The following PTPRG variants were observed in gnomAD, a reference collection of about 807,000 sequenced individuals.
The protein encoded by PTPRG is receptor-type tyrosine-protein phosphatase gamma.
Under a neutral mutation model 165.3 loss-of-function variants are expected in PTPRG, and 102 were observed. The observed-to-expected ratio is 0.62, with a 90% confidence interval of 0.53 to 0.73. The LOEUF (loss-of-function observed/expected upper bound fraction) is 0.73. Ranked by LOEUF, PTPRG falls within the 30% of genes least tolerant of loss-of-function variation. PTPRG has a pLI of 0.00. For synonymous variants in PTPRG, 675 were observed against 669.5 expected (o/e 1.01, Z -0.13); for missense variants, 1,866 against 1,861.4 (o/e 1.00, Z -0.05).
intron 2 of PTPRG, among the ~76,000 whole-genome samples, chr3:61,764,253 T>C (rs772227749): frequency 2.3e-4 from 35 of 152,190 alleles, no homozygotes; most frequent in Non-Finnish European, 4.6e-4. Context: ...TTACCAAGGT[T>C]CTGAATCTTT....
intron 2 of PTPRG, among the ~76,000 whole-genome samples, chr3:61,941,236 G>T (rs954962289): frequency 2.6e-5 from 4 of 152,256 alleles, no homozygotes; most frequent in Non-Finnish European, 5.9e-5. Flanking sequence ...CTTCATCCAT[G>T]TAAAGGGCTT....
intron 3 of PTPRG, among the ~76,000 whole-genome samples, chr3:62,003,107 A>G (rs1346894586): frequency 6.6e-6 from 1 of 152,058 alleles, no homozygotes; most frequent in Non-Finnish European, 1.5e-5. Context: ...TAAATGGATA[A>G]GTAATTCTGA....
chr3:61,683,648 T>C lies in PTPRG; in HGVS notation c.86-65230T>C, dbSNP rs75224842. ...TTGTTTTCCTTTTCATGGGACATAG[T>C]GTTCCTTTCTTCCGTTTGATATATT... is the stretch of plus-strand genomic sequence containing the variant. On this transcript the variant is annotated intron_variant, in intron 1 of 29. Transcript: ENST00000474889. Among the ~76,000 whole-genome samples the C allele has an allele frequency of 3.9e-3, 589 of 152,346 alleles. 6 individuals carry two copies. The highest frequency in any genetic ancestry group is 0.014 in the African/African-American group (564 of 41,580).
At chr3:61,776,039 G>T (rs2034371842) in intron 2 of PTPRG, among the ~76,000 whole-genome samples, 1 of 151,270 alleles carries the variant, frequency 6.6e-6, no homozygotes, top group Non-Finnish European at 1.5e-5. Context: ...TAACAAACCT[G>T]CTCGTTGTGC....
At chr3:61,896,568 C>A (rs1468498756) in intron 2 of PTPRG, among the ~76,000 whole-genome samples, 1 of 152,128 alleles carries the variant, frequency 6.6e-6, no homozygotes, top group African/African-American at 2.4e-5. Flanking sequence ...GAATTAATAA[C>A]CAAGAGTCCA....
At chr3:61,895,083 C>T (rs914114457) in intron 2 of PTPRG, among the ~76,000 whole-genome samples, 2 of 152,162 alleles carry the variant, frequency 1.3e-5, no homozygotes, top group Non-Finnish European at 2.9e-5. Context: ...CAGAATGGAT[C>T]CCTGATGAGA....
chr3:61,831,691 A>G (rs554257553), intron 2 of PTPRG, among the ~76,000 whole-genome samples: 4 of 152,334 alleles, frequency 2.6e-5, no homozygotes, highest in East Asian at 3.9e-4. Flanking sequence ...GAAAATGCCA[A>G]TGACCATGGA....
intron 4 of PTPRG, among the ~76,000 whole-genome samples, chr3:62,007,443 G>A (rs953949597): frequency 3.3e-5 from 5 of 152,230 alleles, no homozygotes; most frequent in Non-Finnish European, 4.4e-5. Flanking sequence ...GTTAAAGTTA[G>A]AAAAGAAAGT....
At chr3:62,266,833 T>C (rs1576197735) in intron 17 of PTPRG, among the ~76,000 whole-genome samples, 1 of 146,742 alleles carries the variant, frequency 6.8e-6, no homozygotes, top group Non-Finnish European at 1.5e-5. Flanking sequence ...TAGATACACA[T>C]GTCATGCATC....
chr3:61,684,526 G>A (rs192942252), intron 1 of PTPRG, among the ~76,000 whole-genome samples: 6 of 152,334 alleles, frequency 3.9e-5, no homozygotes, highest in African/African-American at 1.4e-4. Flanking sequence ...TCCAAGCCCA[G>A]AGGGGCTCTG....
At chr3:62,293,015 TTTTTTTTAG>T in intron 29 of PTPRG, 137 bp from the exon 30 acceptor site, 2 of 649,702 alleles carry the variant, frequency 3.1e-6, no homozygotes, top group Non-Finnish European at 4.9e-6. Flanking sequence ...TCAAATGATT[TTTTTTTTAG>T]TTTTTTTAGA....
chr3:61,752,116 G>T (rs1287477698), intron 2 of PTPRG, among the ~76,000 whole-genome samples: 1 of 152,208 alleles, frequency 6.6e-6, no homozygotes, highest in Admixed American at 6.5e-5. Context: ...GTTTTGGAAT[G>T]CACAAGTGTC....
rs893185127 is a variant in PTPRG, at chr3:62,034,385, A to G, written c.519+30888A>G. On this transcript the variant is annotated intron_variant, in intron 4 of 29. Transcript: ENST00000474889. ...ACACATCATGTCAGGAAACTGAAGT[A>G]CAAAGAGGTGAGGCTACCAGCCTTG... is the stretch of plus-strand genomic sequence containing the variant. 9.9e-5 allele frequency among the ~76,000 whole-genome samples: 15 copies of G among 152,234 alleles called. 1 individual carries two copies. Among genetic ancestry groups the G allele is most frequent in the African/African-American group, 2.4e-5 (1 of 41,460 alleles).
At chr3:61,773,967 G>A (rs1020313994) in intron 2 of PTPRG, among the ~76,000 whole-genome samples, 1 of 151,940 alleles carries the variant, frequency 6.6e-6, no homozygotes, top group Non-Finnish European at 1.5e-5. Flanking sequence ...TAGAGATGGG[G>A]TTTCACCACA....
At chr3:62,118,944 T>C (rs1165334179) in intron 5 of PTPRG, among the ~76,000 whole-genome samples, 1 of 152,230 alleles carries the variant, frequency 6.6e-6, no homozygotes, top group East Asian at 1.9e-4. Flanking sequence ...TAACGTCTTT[T>C]CCCTGCTTCA....
At chr3:61,878,143 A>G (rs1296141050) in intron 2 of PTPRG, among the ~76,000 whole-genome samples, 2 of 152,092 alleles carry the variant, frequency 1.3e-5, no homozygotes, top group African/African-American at 2.4e-5. Context: ...AACACTTAAC[A>G]TTTTCTGTTT....
At chr3:62,070,807 C>T (rs1280358097) in intron 4 of PTPRG, among the ~76,000 whole-genome samples, 2 of 152,074 alleles carry the variant, frequency 1.3e-5, no homozygotes, top group Non-Finnish European at 2.9e-5. Flanking sequence ...TCTTAGGCAC[C>T]TGTTTCTTGT....
chr3:61,851,147 C>T (rs886872232), intron 2 of PTPRG, among the ~76,000 whole-genome samples: 4 of 152,150 alleles, frequency 2.6e-5, no homozygotes, highest in Admixed American at 2.6e-4. Context: ...GTCAGTGTTG[C>T]AAACAACTGA....
At chr3:62,196,376 C>A (rs1699964276) in intron 10 of PTPRG, among the ~76,000 whole-genome samples, 1 of 151,930 alleles carries the variant, frequency 6.6e-6, no homozygotes, top group Admixed American at 6.6e-5. Context: ...GCACTCCAGG[C>A]TGGGCAACAA....
Sources: allele counts gnomAD v4.1 joint callset (sites outside exome capture counted in the v4.1 genomes callset), GRCh38; gene constraint gnomAD v4.1.1; transcripts MANE v1.5; gene names NCBI Gene and HGNC (gene_info 2026-07-23, HGNC 2026-07-21).